The following ENTPD8 variants were observed in gnomAD, a reference collection of about 807,000 sequenced individuals.
ENTPD8 encodes E-NTPDase 8.
ENTPD8 carries 35 observed loss-of-function variants against 47.0 expected under a neutral mutation model. That is an observed-to-expected ratio of 0.75 (90% CI 0.57 to 0.99). The LOEUF is 0.99. ENTPD8 is among the 50% of genes least tolerant of loss of function. The pLI, the probability that ENTPD8 is intolerant of heterozygous loss-of-function variation, is 0.00. For missense variants in ENTPD8, 668 were observed against 649.9 expected, an observed-to-expected ratio of 1.03 and a Z score of -0.30; for synonymous variants, 308 against 290.5, an observed-to-expected ratio of 1.06 and a Z score of -0.61.
Position 137,435,770 on chromosome 9 carries a change from C to T in ENTPD8, c.1110G>A (p.Leu370=). 1 of 1,613,596 alleles carries T rather than the reference C, an allele frequency of 6.2e-7. No individual in the cohort carries two copies. The change falls in exon 8 of 10, where the codon CTG becomes CTA. Residue 370 remains leucine, a synonymous_variant. Coordinates refer to ENST00000371506, the MANE Select transcript of ENTPD8 (RefSeq NM_001033113.2). ...HFLNLTSRQP[L]STVNATIWEF... Reference sequence around the variant, plus strand: ...CCCAGATGGTGGCGTTGACCGTGCTCAGGGGCTGCCTGGAGGTGAGGTTCA... The same window carrying T: ...CCCAGATGGTGGCGTTGACCGTGCTTAGGGGCTGCCTGGAGGTGAGGTTCA...
Position 137,434,472 on chromosome 9 carries a change from C to A in ENTPD8, c.*442G>T. On this transcript the variant is annotated 3_prime_UTR_variant, in exon 10 of 10. Coordinates refer to ENST00000371506, the MANE Select transcript of ENTPD8 (RefSeq NM_001033113.2). Reference sequence around the variant, plus strand: ...AGCAGAAGCCCCCAGGCCTGGACTCCATCCATCTGCTCAGACAACAGCAGG... The same window carrying A: ...AGCAGAAGCCCCCAGGCCTGGACTCAATCCATCTGCTCAGACAACAGCAGG... The A allele has an allele frequency of 7.9e-7, 1 of 1,272,388 alleles. No homozygotes were observed. The highest frequency in any genetic ancestry group is 1.1e-6 in the Non-Finnish European group (1 of 928,600). The allele number at this position is 1,272,388 out of a possible 1,614,324, so 78.8% of individuals were successfully genotyped here.
At position 137,436,856 on chromosome 9, in the gene ENTPD8, C is replaced by T. The variant is rs751196020; in HGVS notation, c.555+13G>A. 2.3e-5 allele frequency: 37 copies of T among 1,610,592 alleles called. No homozygotes were observed. The highest frequency in any genetic ancestry group is 2.2e-4 in the Admixed American group (13 of 59,910). ...TCGCAGACCAGCCCCCGCCCTCAGG[C>T]AGCCTGTGGCACCTTGACCAGCGTC... On this transcript the variant is annotated intron_variant, in intron 5 of 9. Coordinates refer to ENST00000371506, the MANE Select transcript of ENTPD8 (RefSeq NM_001033113.2).
chr9:137,436,338 G>A, intron 6 of ENTPD8, 62 bp from the exon 7 acceptor site: 1 of 1,476,704 alleles, frequency 6.8e-7, no homozygotes, highest in Non-Finnish European at 9.0e-7. Flanking sequence ...CCCCTCCCCG[G>A]GGCCGGATGA....
chr9:137,435,882 T>C lies in ENTPD8; in HGVS notation c.1051-53A>G. The C allele has an allele frequency of 2.5e-6, 4 of 1,606,714 alleles. 1 individual carries two copies. The highest frequency in any genetic ancestry group is 3.3e-4 in the Middle Eastern group (2 of 6,036). ...TTCGCTGTGGCCACGCTGGGCCAGA[T>C]CCACCCCACCCGGGCTCCCAGAGCC... On this transcript the variant is annotated intron_variant, in intron 7 of 9. Transcript: ENST00000371506.
intron 1 of ENTPD8, among the ~76,000 whole-genome samples, chr9:137,439,119 G>A (rs950139352): frequency 6.6e-5 from 10 of 152,134 alleles, no homozygotes; most frequent in Non-Finnish European, 1.3e-4. Context: ...TAACAACATC[G>A]GTTTCTCTGG....
At position 137,438,347 on chromosome 9, in the gene ENTPD8, TC is replaced by T; in HGVS notation, c.-20-43del. 1 of 1,461,888 alleles carries T rather than the reference TC, an allele frequency of 6.8e-7. No homozygotes were observed. Among genetic ancestry groups the T allele is most frequent in the South Asian group, 1.4e-5 (1 of 72,728 alleles). The allele number at this position is 1,461,888 out of a possible 1,614,324, so 90.6% of individuals were successfully genotyped here. A position where few individuals can be genotyped will look rare whatever the true frequency, so the allele number is the denominator to read the frequency against. On this transcript the variant is annotated intron_variant, in intron 1 of 9. Transcript: ENST00000371506. This position sits in a 1 kb window ranked among gnomAD's most constrained non-coding sequence, Gnocchi z 5.7. ...GTGGGCACCCAGGCTGCACTTGGTG[TC>T]CCCATCCCGCCCTCCAGAGGCAGAG... is the stretch of plus-strand genomic sequence containing the variant.
Position 137,435,055 on chromosome 9 carries a change from G to A in ENTPD8, c.1347C>T (p.Thr449=), listed in dbSNP as rs150746463. ...CCGGCGCATCGGCCGGGATCATCCC[G>A]GTCAGGTTCAGCATGTAGCCCAGTG... The part of the protein sequence containing the change: ...GWTLGYMLNL[T]GMIPADAPAQ... The change falls in exon 10 of 10, where the codon ACC becomes ACT. Residue 449 remains threonine (T), a synonymous_variant. Coordinates refer to ENST00000371506, the MANE Select transcript of ENTPD8 (RefSeq NM_001033113.2). 295 of 1,612,298 alleles carry A rather than the reference G, an allele frequency of 1.8e-4. No individual in the cohort carries two copies. In the African/African-American group the frequency reaches 3.6e-3, roughly 20 times the overall value.
At chr9:137,439,364 G>C (rs1378582145) in intron 1 of ENTPD8, among the ~76,000 whole-genome samples, 1 of 152,124 alleles carries the variant, frequency 6.6e-6, no homozygotes, top group African/African-American at 2.4e-5. Flanking sequence ...GGGTACCACT[G>C]CCAAAGGAGT....
At chr9:137,436,784 A>G in intron 5 of ENTPD8, 33 bp from the exon 6 acceptor site, 2 of 1,601,942 alleles carry the variant, frequency 1.2e-6, no homozygotes, top group South Asian at 2.2e-5. Context: ...AGCTGGGAGC[A>G]GCCACCCGGA....
intron 1 of ENTPD8, among the ~76,000 whole-genome samples, chr9:137,439,026 GC>G (rs1268736358): frequency 2.6e-5 from 4 of 152,118 alleles, no homozygotes; most frequent in African/African-American, 9.7e-5. Flanking sequence ...TCTCTCTGGA[GC>G]CCTGAGGGGA....
chr9:137,434,739 A>G lies in ENTPD8; in HGVS notation c.*175T>C. The G allele has an allele frequency of 1.2e-6, 1 of 806,906 alleles. No homozygotes were observed. The highest frequency in any genetic ancestry group is 1.9e-6 in the Non-Finnish European group (1 of 535,222). The allele number at this position is 806,906 out of a possible 1,614,324, so 50.0% of individuals were successfully genotyped here. On this transcript the variant is annotated 3_prime_UTR_variant, in exon 10 of 10. Coordinates refer to ENST00000371506, the MANE Select transcript of ENTPD8 (RefSeq NM_001033113.2). ...GTTGGGGGAGGGACGCCGGGAGGGGAGGTCATGCAGCCTCTGTGGCCAGCA... is the reference window on the plus strand; with the variant it reads ...GTTGGGGGAGGGACGCCGGGAGGGGGGGTCATGCAGCCTCTGTGGCCAGCA...
rs771081051 is a variant in ENTPD8 at position 137,436,889 on chromosome 9, C to T, written c.535G>A (p.Gly179Ser). ...GGCACCTTGACCAGCGTCCCCAAGC[C>T]GTAGTTGACAGTGATCCAACCAAAG... is the stretch of plus-strand genomic sequence containing the variant. ...GAFGWITVNYGLGTLVKYSFT... is the reference protein window; with the variant it reads ...GAFGWITVNYSLGTLVKYSFT... Residue 179 changes from glycine to serine, a missense_variant, in exon 5 of 10, where the codon GGC (glycine) becomes AGC (serine). Coordinates refer to ENST00000371506, the MANE Select transcript of ENTPD8 (RefSeq NM_001033113.2). The T allele has an allele frequency of 1.5e-5, 24 of 1,612,800 alleles. No individual in the cohort carries two copies. Among genetic ancestry groups the T allele is most frequent in the East Asian group, 6.7e-5 (3 of 44,888 alleles).
intron 3 of ENTPD8, among the ~76,000 whole-genome samples, 161 bp downstream of exon 3, chr9:137,437,806 A>C (rs537208818): frequency 6.8e-4 from 104 of 152,330 alleles, no homozygotes; most frequent in African/African-American, 2.4e-3. Flanking sequence ...AGGTCCCCAG[A>C]GTGCCACCGC....
At position 137,436,226 on chromosome 9, in the gene ENTPD8, C is replaced by A; in HGVS notation, c.837G>T (p.Gln279His). Residue 279 changes from glutamine (Q) to histidine (H), a missense_variant, in exon 7 of 10, where the codon CAG becomes CAT. Physicochemically the swap from Gln to His is conservative, Grantham distance 24 (BLOSUM62 0). Coordinates refer to ENST00000371506, the MANE Select transcript of ENTPD8 (RefSeq NM_001033113.2). ...LRHPCYLSGY[Q>H]TTLALGPLYE... ...ACAGCGGGCCCAGGGCCAGTGTGGT[C>A]TGGTAGCCGCTGAGGTAGCACGGGT... The A allele has an allele frequency of 6.2e-7, 1 of 1,609,072 alleles. No homozygotes were observed. Among genetic ancestry groups the A allele is most frequent in the Non-Finnish European group, 8.5e-7 (1 of 1,177,302 alleles).
At chr9:137,439,200 G>C (rs981851568) in intron 1 of ENTPD8, among the ~76,000 whole-genome samples, 10 of 152,178 alleles carry the variant, frequency 6.6e-5, no homozygotes, top group African/African-American at 2.2e-4. Context: ...GCCTGGTCGG[G>C]AGGTGGACCC....
At chr9:137,435,399 C>G in intron 8 of ENTPD8, 61 bp from the exon 9 acceptor site, 4 of 1,564,122 alleles carry the variant, frequency 2.6e-6, no homozygotes, top group South Asian at 2.4e-5. Context: ...ATGCGGGGAC[C>G]GCCCCATCTG....
rs201797343 is a variant in ENTPD8, at chr9:137,434,904, C to T, written c.*10G>A. The T allele has an allele frequency of 4.5e-5, 72 of 1,600,720 alleles. 1 individual carries two copies. In the East Asian group the frequency reaches 6.9e-4, roughly 15 times the overall value. On this transcript the variant is annotated 3_prime_UTR_variant, in exon 10 of 10. Transcript: ENST00000371506. The stretch of plus-strand genomic sequence containing the variant: ...TGTGGGCTCTGTGGGGGCCCACCTC[C>T]GCCTTCCCACTAGTCCTGCAACCAG...
Position 137,436,576 on chromosome 9 carries a change from T to G in ENTPD8, c.731A>C (p.Tyr244Ser), listed in dbSNP as rs757402333. ...CATCTGGTCCCGTCCAAAGCACAGGTAGCTGTGAGTGTAGACGCTGTAGTC... is the reference window on the plus strand; with the variant it reads ...CATCTGGTCCCGTCCAAAGCACAGGGAGCTGTGAGTGTAGACGCTGTAGTC... ...GSDYSVYTHS[Y>S]LCFGRDQMLS... Residue 244 changes from tyrosine (Y) to serine (S), a missense_variant, in exon 6 of 10, where the codon TAC (tyrosine) becomes TCC (serine). Coordinates refer to ENST00000371506, the MANE Select transcript of ENTPD8 (RefSeq NM_001033113.2). 1 of 1,611,952 alleles carries G rather than the reference T, an allele frequency of 6.2e-7. No individual in the cohort carries two copies. The highest frequency in any genetic ancestry group is 8.5e-7 in the Non-Finnish European group (1 of 1,179,732).
chr9:137,435,167 C>T (rs372285284), intron 9 of ENTPD8, 37 bp downstream of exon 9: 61 of 1,601,846 alleles, frequency 3.8e-5, no homozygotes, highest in African/African-American at 1.7e-4. Context: ...GACCTGCCCA[C>T]GCCCACGCCC....
Sources: gnomAD v4.1 joint callset for allele counts (sites outside exome capture counted in the v4.1 genomes callset) on GRCh38, gnomAD v4.1.1 for gene constraint, Gnocchi (gnomAD v3.1) non-coding constraint, MANE v1.5 for transcripts, NCBI Gene and HGNC (gene_info 2026-07-23, HGNC 2026-07-21) for gene names.